The following AUTS2 variants were observed in gnomAD, a reference collection of about 807,000 sequenced individuals.
AUTS2 encodes autism susceptibility gene 2 protein.
AUTS2 carries 17 observed loss-of-function variants against 112.4 expected under a neutral mutation model. The observed-to-expected ratio is 0.15, with a 90% confidence interval of 0.10 to 0.23. The LOEUF (loss-of-function observed/expected upper bound fraction) is 0.23. Ranked by LOEUF, AUTS2 falls within the 10% of genes least tolerant of loss-of-function variation. The pLI, the probability that AUTS2 is intolerant of heterozygous loss-of-function variation, is 1.00. For synonymous variants in AUTS2, 751 were observed against 702.7 expected (o/e 1.07, Z -1.09); for missense variants, 1,510 against 1,701.6 (o/e 0.89, Z 1.98).
intron 5 of AUTS2, among the ~76,000 whole-genome samples, chr7:70,462,831 C>T (rs748416667): frequency 1.3e-5 from 2 of 152,038 alleles, no homozygotes; most frequent in Non-Finnish European, 2.9e-5. Context: ...GTGGCAGGTG[C>T]CTGTAGTCAC....
At position 70,684,992 on chromosome 7, in the gene AUTS2, T is replaced by C. The variant is rs544752387; in HGVS notation, c.691-13577T>C. Among the ~76,000 whole-genome samples, 20 of 152,322 alleles carry C rather than the reference T, an allele frequency of 1.3e-4. 1 individual carries two copies. Among genetic ancestry groups the C allele is most frequent in the Non-Finnish European group, 2.2e-4 (15 of 68,022 alleles). On this transcript the variant is annotated intron_variant, in intron 5 of 18. Coordinates refer to ENST00000342771, the MANE Select transcript of AUTS2 (RefSeq NM_015570.4). ...AAATGGCACCGTCACATATAATTTA[T>C]GGCTCATGCTCTTTTTTCAGTCTAG...
chr7:70,578,846 T>G (rs1802292879), intron 5 of AUTS2, among the ~76,000 whole-genome samples: 2 of 152,152 alleles, frequency 1.3e-5, no homozygotes, highest in African/African-American at 4.8e-5. Context: ...TTGCTAGCTA[T>G]AGCCAAACCA....
chr7:70,531,565 A>AGAGAC (rs1800093250), intron 5 of AUTS2, among the ~76,000 whole-genome samples: 2 of 152,162 alleles, frequency 1.3e-5, no homozygotes, highest in South Asian at 4.1e-4. Flanking sequence ...TCATATGGTG[A>AGAGAC]GAGACGGAGC....
chr7:70,681,936 G>C (rs903085183), intron 5 of AUTS2, among the ~76,000 whole-genome samples: 3 of 152,166 alleles, frequency 2.0e-5, no homozygotes, highest in Non-Finnish European at 4.4e-5. Context: ...CATATCTTAT[G>C]GGCAACCCCC....
intron 5 of AUTS2, among the ~76,000 whole-genome samples, chr7:70,652,918 T>G (rs1452557738): frequency 6.6e-6 from 1 of 152,084 alleles, no homozygotes; most frequent in Non-Finnish European, 1.5e-5. Flanking sequence ...CTGATATCGT[T>G]TATATGACAA....
intron 6 of AUTS2, among the ~76,000 whole-genome samples, chr7:70,753,430 C>T (rs975468796): frequency 6.6e-6 from 1 of 152,150 alleles, no homozygotes; most frequent in African/African-American, 2.4e-5. Context: ...ACCCATCATT[C>T]CCCCTGATCT....
chr7:70,258,110 C>T (rs936771245), intron 4 of AUTS2, among the ~76,000 whole-genome samples: 2 of 152,180 alleles, frequency 1.3e-5, no homozygotes, highest in Admixed American at 6.5e-5. Context: ...TTCAGCGAGA[C>T]GATGATTGTT....
chr7:70,613,198 A>G (rs1001193841), intron 5 of AUTS2, among the ~76,000 whole-genome samples: 2 of 151,466 alleles, frequency 1.3e-5, no homozygotes, highest in Non-Finnish European at 2.9e-5. Flanking sequence ...AGCAAGAGGA[A>G]AAAAGGTTGG....
At chr7:70,632,085 T>G (rs1482858664) in intron 5 of AUTS2, among the ~76,000 whole-genome samples, 1 of 151,812 alleles carries the variant, frequency 6.6e-6, no homozygotes, top group African/African-American at 2.4e-5. Flanking sequence ...GGGGCTGGAT[T>G]TAGAGCCCCT....
At chr7:70,061,015 A>G (rs1366395479) in intron 2 of AUTS2, among the ~76,000 whole-genome samples, 1 of 152,110 alleles carries the variant, frequency 6.6e-6, no homozygotes, top group Non-Finnish European at 1.5e-5. Context: ...TGGTATCTCT[A>G]TGCCTTATTT....
Position 70,386,605 on chromosome 7 carries a change from A to G in AUTS2, c.661-49147A>G, listed in dbSNP as rs144855443. On this transcript the variant is annotated intron_variant, in intron 4 of 18. Coordinates refer to ENST00000342771, the MANE Select transcript of AUTS2 (RefSeq NM_015570.4). ...ACATTTCATCTCTGAAATATCCTAA[A>G]GTGACTGAACGTAAGTCCAGTTATA... Among the ~76,000 whole-genome samples, 566 of 152,330 alleles carry G rather than the reference A, an allele frequency of 3.7e-3. 3 individuals are homozygous for G. Among genetic ancestry groups the G allele is most frequent in the African/African-American group, 0.012 (518 of 41,566 alleles).
At chr7:70,337,334 C>G (rs950844979) in intron 4 of AUTS2, among the ~76,000 whole-genome samples, 1 of 152,194 alleles carries the variant, frequency 6.6e-6, no homozygotes, top group South Asian at 2.1e-4. Flanking sequence ...AAATGGCTTT[C>G]CAAAAGGCAA....
chr7:70,708,274 G>A (rs1429856188), intron 6 of AUTS2, among the ~76,000 whole-genome samples: 3 of 152,150 alleles, frequency 2.0e-5, no homozygotes, highest in African/African-American at 7.2e-5. Flanking sequence ...TCCTCCGCAG[G>A]ACCTCTTGGG....
At chr7:70,667,557 GC>G (rs1807412309) in intron 5 of AUTS2, among the ~76,000 whole-genome samples, 1 of 152,138 alleles carries the variant, frequency 6.6e-6, no homozygotes, top group Non-Finnish European at 1.5e-5. Flanking sequence ...GCACACACTT[GC>G]GTTTAAAACT....
chr7:69,831,914 C>CA (rs1205860183), intron 1 of AUTS2, among the ~76,000 whole-genome samples: 1 of 152,198 alleles, frequency 6.6e-6, no homozygotes, highest in African/African-American at 2.4e-5. Flanking sequence ...ATTTAAATCA[C>CA]AATGGATTTG....
intron 1 of AUTS2, among the ~76,000 whole-genome samples, chr7:69,626,846 G>A (rs1414442495): frequency 6.6e-6 from 1 of 152,102 alleles, no homozygotes; most frequent in Non-Finnish European, 1.5e-5. Context: ...TATTAAAAAG[G>A]TCTTGTGTGA....
At chr7:70,754,711 C>T (rs1044168591) in intron 6 of AUTS2, among the ~76,000 whole-genome samples, 1 of 152,072 alleles carries the variant, frequency 6.6e-6, no homozygotes, top group African/African-American at 2.4e-5. Context: ...TGGACAGTAA[C>T]GAGAGAAGCT....
intron 7 of AUTS2, among the ~76,000 whole-genome samples, chr7:70,763,640 C>A (rs189316213): frequency 4.6e-5 from 7 of 152,176 alleles, no homozygotes; most frequent in Admixed American, 4.6e-4. Context: ...GGAGACCCAG[C>A]AGCAGTGGGA....
chr7:70,626,691 A>G (rs140547565), intron 5 of AUTS2, among the ~76,000 whole-genome samples: 29 of 152,130 alleles, frequency 1.9e-4, no homozygotes, highest in Non-Finnish European at 2.6e-4. Context: ...ATAGACCCCA[A>G]TGTCTATTGT....
Sources: gnomAD v4.1 joint callset for allele counts (sites outside exome capture counted in the v4.1 genomes callset) on GRCh38, gnomAD v4.1.1 for gene constraint, MANE v1.5 for transcripts, NCBI Gene and HGNC (gene_info 2026-07-23, HGNC 2026-07-21) for gene names.